Variants in HTD2 observed in about 807,000 individuals in gnomAD.
HTD2 encodes hydroxyacyl-thioester dehydratase type 2, mitochondrial.
Under a neutral mutation model 3.1 loss-of-function variants are expected in HTD2, and 1 was observed. That is an observed-to-expected ratio of 0.32 (90% CI 0.11 to 1.52). The LOEUF (loss-of-function observed/expected upper bound fraction) is 1.52. Among genes scored for constraint, HTD2 ranks in the 40% most tolerant of loss-of-function variants. The pLI, the probability that HTD2 is intolerant of heterozygous loss-of-function variation, is 0.39. For synonymous variants in HTD2, 50 were observed against 28.9 expected, an observed-to-expected ratio of 1.73 and a Z score of -2.34; for missense variants, 150 against 79.6, an observed-to-expected ratio of 1.88 and a Z score of -3.36.
intron 1 of HTD2, among the ~76,000 whole-genome samples, chr3:58,308,744 A>G (rs1021851557): frequency 6.6e-6 from 1 of 152,220 alleles, no homozygotes; most frequent in Admixed American, 6.5e-5. Flanking sequence ...ATTGGGCCTC[A>G]GTTTCCTGTT....
chr3:58,310,118 TGAGCCTCGA>T (rs2097480488), intron 1 of HTD2: 2 of 558,084 alleles, frequency 3.6e-6, no homozygotes, highest in Admixed American at 3.1e-5. Context: ...GAGGATCACC[TGAGCCTCGA>T]GAGCCAGAGG....
intron 2 of HTD2, among the ~76,000 whole-genome samples, chr3:58,316,169 A>G (rs2097488099): frequency 6.6e-6 from 1 of 152,248 alleles, no homozygotes; most frequent in Non-Finnish European, 1.5e-5. Context: ...GTAGGAAAAC[A>G]TGTTGGACAA....
chr3:58,310,681 C>G, intron 2 of HTD2, 90 bp downstream of exon 2: 2 of 1,135,482 alleles, frequency 1.8e-6, no homozygotes, highest in Admixed American at 4.4e-5. Flanking sequence ...GCCTGTAATC[C>G]CAGCACTTTG....
chr3:58,310,643 C>T (rs1191719168), intron 2 of HTD2, 52 bp downstream of exon 2: 13 of 1,507,802 alleles, frequency 8.6e-6, no homozygotes, highest in Admixed American at 2.0e-5. Flanking sequence ...GTAAGAAATA[C>T]AGAAAGAGGC....
At chr3:58,309,817 G>A (rs556543007) in intron 1 of HTD2, among the ~76,000 whole-genome samples, 14 of 151,940 alleles carry the variant, frequency 9.2e-5, no homozygotes, top group African/African-American at 2.7e-4. Context: ...GCTTGAATCC[G>A]CGAGGCAGAG....
In HTD2 at chr3:58,310,503, T is replaced by G. The variant is rs1024359935; in HGVS notation, c.-415-4T>G. On this transcript the variant is annotated splice_polypyrimidine_tract_variant and splice_region_variant and intron_variant, in intron 1 of 4. Transcript: ENST00000461393. ...ATGACTTTTTTTTTTTTCACTTTTT[T>G]TAGAGAATTTCAAGATTGTGGAGTT... is the stretch of plus-strand genomic sequence containing the variant. The G allele has an allele frequency of 5.6e-6, 9 of 1,607,722 alleles. No homozygotes were observed. Among genetic ancestry groups the G allele is most frequent in the Non-Finnish European group, 7.6e-6 (9 of 1,178,206 alleles).
At chr3:58,317,060 A>G in intron 4 of HTD2, 67 bp downstream of exon 4, 1 of 1,127,976 alleles carries the variant, frequency 8.9e-7, no homozygotes, top group Admixed American at 2.0e-5. Flanking sequence ...CTTAATATAC[A>G]CAACTCATTT....
In HTD2 at chr3:58,318,140, C is replaced by G. The variant is rs550447218; in HGVS notation, c.*20C>G. 10 of 622,480 alleles carry G rather than the reference C, an allele frequency of 1.6e-5. No individual in the cohort carries two copies. In the East Asian group the frequency reaches 2.7e-4, roughly 17 times the overall value. The allele number at this position is 622,480 out of a possible 1,614,324, so 38.6% of individuals were successfully genotyped here. A position where few individuals can be genotyped will look rare whatever the true frequency, so the allele number is the denominator to read the frequency against. ...TCCTGAAATAGATGTTTTAAAGATG[C>G]AACCTCAAACACCAATGCTGTTGTT... On this transcript the variant is annotated 3_prime_UTR_variant, in exon 5 of 5. Coordinates refer to ENST00000461393, the MANE Select transcript of HTD2 (RefSeq NM_001348712.2).
At chr3:58,310,709 A>G (rs2097481289) in intron 2 of HTD2, 118 bp downstream of exon 2, 1 of 755,342 alleles carries the variant, frequency 1.3e-6, no homozygotes, top group African/African-American at 1.8e-5. Context: ...AGGTGGGCAG[A>G]TCATGAGGTC....
At position 58,319,424 on chromosome 3, in the gene HTD2, T is replaced by C. The variant is rs1575550260; in HGVS notation, c.*1304T>C. 1 of 152,314 alleles carries C rather than the reference T, an allele frequency of 6.6e-6. No individual in the cohort carries two copies. The highest frequency in any genetic ancestry group is 1.9e-4 in the East Asian group (1 of 5,186). The allele number at this position is 152,314 out of a possible 1,614,324, so 9.4% of individuals were successfully genotyped here. ...AGCCTGTCAGCAGTAGCTACTATTATTGTTGCCCATTTCCCCTGCAACTGA... is the reference window on the plus strand; with the variant it reads ...AGCCTGTCAGCAGTAGCTACTATTACTGTTGCCCATTTCCCCTGCAACTGA... On this transcript the variant is annotated 3_prime_UTR_variant, in exon 5 of 5. Transcript: ENST00000461393.
intron 2 of HTD2, among the ~76,000 whole-genome samples, chr3:58,314,675 ATT>A (rs751757663): frequency 0.035 from 3,156 of 90,476 alleles, 47 homozygotes; most frequent in African/African-American, 0.13. Flanking sequence ...GTTTGGCAGT[ATT>A]TTTTTTTTTT....
chr3:58,308,764 G>T (rs1207815464), intron 1 of HTD2, among the ~76,000 whole-genome samples: 2 of 151,404 alleles, frequency 1.3e-5, no homozygotes, highest in South Asian at 4.2e-4. Context: ...TCCCTGTAGT[G>T]GGGGATCCAT....
chr3:58,315,186 C>T (rs2097486992), intron 2 of HTD2, among the ~76,000 whole-genome samples: 2 of 152,062 alleles, frequency 1.3e-5, no homozygotes, highest in African/African-American at 2.4e-5. Context: ...TGGTACATTC[C>T]TACTATGGAA....
rs1559797001 is a variant in HTD2 at position 58,318,320 on chromosome 3, A to T, written c.*200A>T. 2 of 451,006 alleles carry T rather than the reference A, an allele frequency of 4.4e-6. No homozygotes were observed. The highest frequency in any genetic ancestry group is 1.1e-4 in the South Asian group (2 of 18,930). 27.9% of individuals were successfully genotyped at this position (451,006 alleles called of 1,614,324 possible). A position where few individuals can be genotyped will look rare whatever the true frequency, so the allele number is the denominator to read the frequency against. ...TCATGCAGACTTGAGTGTATGCAGGATTTCATTATCTGCCTGGGTTTTTTG... is the reference window on the plus strand; with the variant it reads ...TCATGCAGACTTGAGTGTATGCAGGTTTTCATTATCTGCCTGGGTTTTTTG... On this transcript the variant is annotated 3_prime_UTR_variant, in exon 5 of 5. Transcript: ENST00000461393.
chr3:58,307,515 A>G (rs928032736), intron 1 of HTD2, among the ~76,000 whole-genome samples: 1 of 152,212 alleles, frequency 6.6e-6, no homozygotes, highest in African/African-American at 2.4e-5. Context: ...ACTTGACGCC[A>G]GGAGTTCGAG....
intron 2 of HTD2, among the ~76,000 whole-genome samples, chr3:58,314,927 CGCCTGCCTTG>C (rs1302848261): frequency 6.6e-6 from 1 of 151,926 alleles, no homozygotes; most frequent in East Asian, 1.9e-4. Context: ...CCTTGTGATC[CGCCTGCCTTG>C]GCCTCCCAAA....
intron 2 of HTD2, among the ~76,000 whole-genome samples, chr3:58,312,878 T>G (rs1379690111): frequency 6.7e-6 from 1 of 149,372 alleles, no homozygotes; most frequent in Non-Finnish European, 1.5e-5. Context: ...GGAGAATTGC[T>G]TGAACCTGGG....
At chr3:58,312,522 T>G (rs1478886215) in intron 2 of HTD2, among the ~76,000 whole-genome samples, 3 of 152,192 alleles carry the variant, frequency 2.0e-5, no homozygotes, top group Non-Finnish European at 4.4e-5. Context: ...TATTCTAATA[T>G]GCCTTCTGTT....
intron 1 of HTD2, chr3:58,310,236 G>A: frequency 2.4e-6 from 3 of 1,244,900 alleles, no homozygotes; most frequent in Non-Finnish European, 3.5e-6. Flanking sequence ...AACCCAAATA[G>A]GCCAAATTCT....
Sources: gnomAD v4.1 joint callset for allele counts (sites outside exome capture counted in the v4.1 genomes callset) on GRCh38, gnomAD v4.1.1 for gene constraint, MANE v1.5 for transcripts, NCBI Gene and HGNC (gene_info 2026-07-23, HGNC 2026-07-21) for gene names.